TEX101: variants seen among roughly 807,000 people sequenced by gnomAD.
TEX101 encodes testis expressed 101, also known as testis-expressed protein 101.
In TEX101, 10 loss-of-function variants were observed where a neutral mutation model predicts 18.1. The ratio of observed to expected loss-of-function variants is 0.55; its 90% CI spans 0.34 to 0.94. The LOEUF is 0.94. Among genes scored for constraint, TEX101 ranks in the 40% least tolerant of loss-of-function variants. The probability of loss-of-function intolerance (pLI) is 0.02; values close to 1 mark genes in which losing one functional copy is unlikely to be tolerated. For missense variants in TEX101, 259 were observed against 298.9 expected, an observed-to-expected ratio of 0.87 and a Z score of 0.98; for synonymous variants, 94 against 114.8, an observed-to-expected ratio of 0.82 and a Z score of 1.16.
At chr19:43,410,779 C>G (rs1165012748), upstream of TEX101, among the ~76,000 whole-genome samples, 3 of 151,366 alleles carry the variant, frequency 2.0e-5, no homozygotes, top group Non-Finnish European at 4.4e-5. Flanking sequence ...CACAGACATA[C>G]ATATATACAG....
upstream of TEX101, among the ~76,000 whole-genome samples, chr19:43,411,340 T>C (rs1311029690): frequency 6.6e-6 from 1 of 152,062 alleles, no homozygotes; most frequent in African/African-American, 2.4e-5. Flanking sequence ...CCTCCCAAAG[T>C]GCTGGGATTA....
the TEX101 span, among the ~76,000 whole-genome samples, chr19:43,395,773 C>A: frequency 4.6e-5 from 7 of 152,262 alleles, no homozygotes; most frequent in African/African-American, 1.7e-4. Context: ...TGCCGTTGTG[C>A]ATTTCATGCT....
At chr19:43,407,788 G>A (rs574737225) in intron 3 of TEX101, among the ~76,000 whole-genome samples, 10 of 152,352 alleles carry the variant, frequency 6.6e-5, no homozygotes, top group Admixed American at 2.6e-4. Context: ...GTCGCCAACA[G>A]GACGCAGTGC....
At position 43,415,869 on chromosome 19, in the gene TEX101, T is replaced by A. The variant is rs1273961443; in HGVS notation, c.-39-12T>A. On this transcript the variant is annotated splice_polypyrimidine_tract_variant and intron_variant, in intron 1 of 5. Coordinates refer to ENST00000598265, the MANE Select transcript of TEX101 (RefSeq NM_001130011.3). ...TGAAAAGTTAATTGCCTTCTCTCCA[T>A]CAAATTCACAGATCCAGACCAGCTC... The A allele has an allele frequency of 1.2e-6, 2 of 1,612,596 alleles. No individual in the cohort carries two copies. The highest frequency in any genetic ancestry group is 1.3e-5 in the African/African-American group (1 of 74,856).
At chr19:43,390,460 CTT>C in the TEX101 span, among the ~76,000 whole-genome samples, 4 of 49,854 alleles carry the variant, frequency 8.0e-5, no homozygotes, top group Non-Finnish European at 1.4e-4. Flanking sequence ...CTTTTTTTTT[CTT>C]TTTTTTTTTT....
chr19:43,393,856 G>C, the TEX101 span, among the ~76,000 whole-genome samples: 1 of 151,560 alleles, frequency 6.6e-6, no homozygotes, highest in Admixed American at 6.6e-5. Flanking sequence ...CAGGAGCAGG[G>C]CTCTTCCTGG....
the TEX101 span, among the ~76,000 whole-genome samples, chr19:43,390,491 G>T: frequency 1.0e-4 from 3 of 28,944 alleles, no homozygotes; most frequent in East Asian, 2.2e-3. Context: ...TTTTTGAGAA[G>T]AGTTCTCACT....
intron 3 of TEX101, among the ~76,000 whole-genome samples, chr19:43,408,018 C>G (rs1970384308): frequency 6.6e-6 from 1 of 152,250 alleles, no homozygotes; most frequent in South Asian, 2.1e-4. Context: ...CGTGTGTCCG[C>G]TTCGCAGCGT....
chr19:43,413,031 T>TAAC (rs1246144754), upstream of TEX101, among the ~76,000 whole-genome samples: 1 of 152,100 alleles, frequency 6.6e-6, no homozygotes, highest in Non-Finnish European at 1.5e-5. Context: ...GTAATAATAA[T>TAAC]AACAGCAACC....
Position 43,416,405 on chromosome 19 carries a change from T to A in TEX101, c.241T>A (p.Cys81Ser), listed in dbSNP as rs1970478181. The A allele has an allele frequency of 6.2e-7, 1 of 1,614,120 alleles. No individual in the cohort carries two copies. The highest frequency in any genetic ancestry group is 8.5e-7 in the Non-Finnish European group (1 of 1,179,998). ...TETAILATKGCIPEGEEAITI... is the reference protein window; with the variant it reads ...TETAILATKGSIPEGEEAITI... ...GACAGCCATTTTGGCCACGAAGGGCTGCATCCCGGAAGGGGAGGAGGCCAT... is the reference window on the plus strand; with the variant it reads ...GACAGCCATTTTGGCCACGAAGGGCAGCATCCCGGAAGGGGAGGAGGCCAT... The change falls in exon 4 of 6, where the codon TGC (cysteine) becomes AGC (serine). Residue 81 changes from cysteine (C) to serine (S), a missense_variant. By Grantham distance (112) the Cys-to-Ser change is moderately radical. Coordinates refer to ENST00000598265, the MANE Select transcript of TEX101 (RefSeq NM_001130011.3).
At chr19:43,390,966 C>T in the TEX101 span, among the ~76,000 whole-genome samples, 3 of 152,090 alleles carry the variant, frequency 2.0e-5, no homozygotes, top group Non-Finnish European at 2.9e-5. Context: ...CATTTCACGA[C>T]GTTAGGCACC....
chr19:43,415,060 A>G, intron 1 of TEX101, 22 bp downstream of exon 1: 1 of 985,436 alleles, frequency 1.0e-6, no homozygotes, highest in Non-Finnish European at 1.2e-6. Flanking sequence ...CTGGGGACCC[A>G]GATCCTGGCT....
rs1343216340 is a variant in TEX101 at position 43,407,438 on chromosome 19, C to T, written c.15+919C>T. On this transcript the variant is annotated intron_variant, in intron 3 of 7. Coordinates refer to the TEX101 transcript ENST00000602198. The stretch of plus-strand genomic sequence containing the variant: ...AGGCAGAGGTTGCAGTGAGCTGAGA[C>T]GGTGTCACTGCACTCCAGCCTGGGC... Among the ~76,000 whole-genome samples, 7 of 149,938 alleles carry T rather than the reference C, an allele frequency of 4.7e-5. No homozygotes were observed. In the South Asian group the frequency reaches 1.3e-3, roughly 27 times the overall value.
chr19:43,406,303 A>G (rs949126958), exon 3 of TEX101: 6 of 544,700 alleles, frequency 1.1e-5, no homozygotes, highest in Admixed American at 1.1e-4. Context: ...AAAAGAGCCA[A>G]TGCCCCATGT....
chr19:43,396,509 T>G (rs962114597), upstream of TEX101, among the ~76,000 whole-genome samples: 1 of 152,236 alleles, frequency 6.6e-6, no homozygotes, highest in African/African-American at 2.4e-5. Context: ...CCTGTAACGC[T>G]TTTTAACAAC....
At chr19:43,405,128 A>G (rs1268746691) in intron 2 of TEX101, among the ~76,000 whole-genome samples, 1 of 152,228 alleles carries the variant, frequency 6.6e-6, no homozygotes, top group African/African-American at 2.4e-5. Context: ...TGAGTAGGCA[A>G]ATTGGTGAAG....
At chr19:43,389,111 G>A in the TEX101 span, among the ~76,000 whole-genome samples, 2 of 152,258 alleles carry the variant, frequency 1.3e-5, no homozygotes, top group East Asian at 3.9e-4. Context: ...CCCACCTTGG[G>A]ACGGGCATCT....
upstream of TEX101, chr19:43,414,797 T>C (rs367583842): frequency 2.0e-6 from 2 of 977,178 alleles, no homozygotes; most frequent in African/African-American, 3.5e-5. Flanking sequence ...GCCGCGTTCC[T>C]CCAGGCTCAT....
chr19:43,411,892 G>T (rs148775849), upstream of TEX101, among the ~76,000 whole-genome samples: 17 of 152,178 alleles, frequency 1.1e-4, no homozygotes, highest in East Asian at 3.3e-3. Context: ...CCTGACCTCA[G>T]GTGAACCACC....
Sources: gnomAD v4.1 joint callset for allele counts (sites outside exome capture counted in the v4.1 genomes callset) on GRCh38, gnomAD v4.1.1 for gene constraint, MANE v1.5 for transcripts, NCBI Gene and HGNC (gene_info 2026-07-23, HGNC 2026-07-21) for gene names.